Variants in MBD4 observed in about 807,000 individuals in gnomAD.
MBD4 encodes the protein methyl-CpG binding domain 4, DNA glycosylase, also known as methyl-CpG-binding domain protein 4.
A neutral mutation model predicts 60.2 loss-of-function variants in MBD4; 53 were observed. The ratio of observed to expected loss-of-function variants is 0.88; its 90% CI spans 0.71 to 1.11. The LOEUF (loss-of-function observed/expected upper bound fraction) is 1.11, where lower values mean the gene tolerates loss of function less well. Among genes scored for constraint, MBD4 ranks in the 50% least tolerant of loss-of-function variants. The probability of loss-of-function intolerance (pLI) is 0.00; values close to 1 mark genes in which losing one functional copy is unlikely to be tolerated. For missense variants in MBD4, 619 were observed against 674.0 expected (o/e 0.92, Z 0.90); for synonymous variants, 231 against 229.8 (o/e 1.01, Z -0.05).
At chr3:129,439,665 G>C in intron 1 of MBD4, 65 bp downstream of exon 1, 1 of 1,019,202 alleles carries the variant, frequency 9.8e-7, no homozygotes, top group Non-Finnish European at 1.5e-6. Context: ...CCCACACACT[G>C]TCCACTCTCC....
At chr3:129,436,302 A>T in intron 3 of MBD4, 159 bp downstream of exon 3, 1 of 793,512 alleles carries the variant, frequency 1.3e-6, no homozygotes, top group Non-Finnish European at 2.0e-6. Context: ...ATAAAGTATT[A>T]GGATCAACTG....
chr3:129,437,344 A>C, intron 2 of MBD4, 36 bp from the exon 3 acceptor site: 1 of 1,543,754 alleles, frequency 6.5e-7, no homozygotes, highest in Non-Finnish European at 8.8e-7. Flanking sequence ...TACTGCTAGT[A>C]AATAGAAGGG....
chr3:129,437,667 C>G, intron 2 of MBD4, 53 bp downstream of exon 2: 1 of 1,282,802 alleles, frequency 7.8e-7, no homozygotes, highest in Non-Finnish European at 1.1e-6. Context: ...CTCCCACTAC[C>G]TGCCCAGACA....
rs1353714402 is a variant in MBD4, at chr3:129,439,782, G to C, written c.52C>G (p.Pro18Ala). The part of the protein sequence containing the change: ...SLSLGDRGAA[P>A]TVTSSERLVP... ...AGGCGCTCACTAGAGGTGACGGTGGGGGCAGCTCCGCGGTCCCCCAGACTC... is the reference window on the plus strand; with the variant it reads ...AGGCGCTCACTAGAGGTGACGGTGGCGGCAGCTCCGCGGTCCCCCAGACTC... The change falls in exon 1 of 8, where the codon CCC (proline) becomes GCC (alanine). Residue 18 changes from proline to alanine, a missense_variant. By Grantham distance (27) the Pro-to-Ala change is conservative. Coordinates refer to ENST00000429544, the MANE Select transcript of MBD4 (RefSeq NM_001276270.2). 6.2e-7 allele frequency: 1 copy of C among 1,609,250 alleles called. No individual in the cohort carries two copies. The highest frequency in any genetic ancestry group is 1.3e-5 in the African/African-American group (1 of 74,896).
At chr3:129,435,271 T>A (rs1193852148) in intron 3 of MBD4, among the ~76,000 whole-genome samples, 1 of 152,126 alleles carries the variant, frequency 6.6e-6, no homozygotes, top group African/African-American at 2.4e-5. Context: ...CTGCTCTGAT[T>A]TGACAACTTT....
At position 129,433,975 on chromosome 3, in the gene MBD4, G is replaced by A. The variant is rs760432119; in HGVS notation, c.1268C>T (p.Pro423Leu). The A allele has an allele frequency of 6.2e-7, 1 of 1,614,022 alleles. No homozygotes were observed. The highest frequency in any genetic ancestry group is 1.3e-5 in the African/African-American group (1 of 74,920). Residue 423 changes from proline to leucine, a missense_variant, in exon 5 of 8, where the codon CCC becomes CTC. Physicochemically the swap from Pro to Leu is moderately conservative, Grantham distance 98. Coordinates refer to ENST00000429544, the MANE Select transcript of MBD4 (RefSeq NM_001276270.2). Reference sequence around the variant, plus strand: ...TTTCTTAAAGGCTTTACGTCGTGGGGGGCTAAGAGCTAAACAAACATAGTG... The same window carrying A: ...TTTCTTAAAGGCTTTACGTCGTGGGAGGCTAAGAGCTAAACAAACATAGTG... ...SSKYNKEALS[P>L]PRRKAFKKWT...
intron 2 of MBD4, 140 bp downstream of exon 2, chr3:129,437,580 T>C: frequency 1.4e-6 from 1 of 696,902 alleles, no homozygotes; most frequent in East Asian, 2.7e-5. Context: ...CTTGATGTAA[T>C]TAATAGCAAC....
intron 1 of MBD4, among the ~76,000 whole-genome samples, chr3:129,438,167 C>G (rs966521279): frequency 1.3e-5 from 2 of 152,190 alleles, no homozygotes; most frequent in African/African-American, 4.8e-5. Flanking sequence ...TGTTGGAAAT[C>G]TCTGCACAAC....
At chr3:129,437,415 G>A in intron 2 of MBD4, 107 bp from the exon 3 acceptor site, 1 of 890,230 alleles carries the variant, frequency 1.1e-6, no homozygotes, top group Non-Finnish European at 1.7e-6. Flanking sequence ...GTTGCCATAG[G>A]TATCTGTCAT....
chr3:129,432,078 ACAGGGCTGAAG>A (rs3138362), intron 7 of MBD4: 71,286 of 1,001,618 alleles, frequency 0.071, 3,444 homozygotes, highest in African/African-American at 0.23. Context: ...GGCATATTCA[ACAGGGCTGAAG>A]CAGGACCCAG....
Position 129,439,852 on chromosome 3 carries a change from A to C in MBD4, c.-19T>G. The C allele has an allele frequency of 1.9e-6, 3 of 1,569,352 alleles. No homozygotes were observed. The highest frequency in any genetic ancestry group is 2.6e-6 in the Non-Finnish European group (3 of 1,141,234). The stretch of plus-strand genomic sequence containing the variant: ...TGCCCATCGAGCAGGGTCCGGCTGC[A>C]GCAACGAGCCCAGCGCCGCAACGCC... On this transcript the variant is annotated 5_prime_UTR_variant, in exon 1 of 8. Transcript: ENST00000429544.
At chr3:129,439,525 C>T (rs927899110) in intron 1 of MBD4, among the ~76,000 whole-genome samples, 3 of 152,178 alleles carry the variant, frequency 2.0e-5, no homozygotes, top group Non-Finnish European at 4.4e-5. Flanking sequence ...TCTCCCTAGT[C>T]ATCTTAGATG....
intron 5 of MBD4, 31 bp downstream of exon 5, chr3:129,433,819 A>G (rs747185356): frequency 1.9e-6 from 3 of 1,613,330 alleles, no homozygotes; most frequent in African/African-American, 1.3e-5. Context: ...CACTGTCTCT[A>G]CTAAGACAAA....
rs2072394231 is a variant in MBD4, at chr3:129,433,373, C to G, written c.1394-126G>C. ...TTAAAGAAAACAAAAAACAAAAAAACACTGGTGAGAAGCCATTATCTGAAC... is the reference window on the plus strand; with the variant it reads ...TTAAAGAAAACAAAAAACAAAAAAAGACTGGTGAGAAGCCATTATCTGAAC... On this transcript the variant is annotated intron_variant, in intron 5 of 7. Transcript: ENST00000429544. 3 of 1,033,926 alleles carry G rather than the reference C, an allele frequency of 2.9e-6. No individual in the cohort carries two copies. The African/African-American group carries it at 4.9e-5, about 17-fold the overall frequency. 64.0% of individuals were successfully genotyped at this position (1,033,926 alleles called of 1,614,324 possible). A position where few individuals can be genotyped will look rare whatever the true frequency, so the allele number is the denominator to read the frequency against.
rs1311687182 is a variant in MBD4 at position 129,436,837 on chromosome 3, A to G, written c.807T>C (p.Asn269=). 6.2e-7 allele frequency: 1 copy of G among 1,614,114 alleles called. No homozygotes were observed. ...QSDSKRESVC[N]KADAESEPVA... is the part of the protein sequence containing the mutation. ...CAGGTTCACTTTCAGCATCTGCTTT[A>G]TTACACACAGATTCTCTTTTGCTAT... The change falls in exon 3 of 8, where the codon AAT becomes AAC. Residue 269 remains asparagine (N), a synonymous_variant. Transcript: ENST00000429544.
rs557457413 is a variant in MBD4, at chr3:129,434,057, G to A, written c.1258+5C>T. 1.2e-6 allele frequency: 2 copies of A among 1,614,072 alleles called. No individual in the cohort carries two copies. Among genetic ancestry groups the A allele is most frequent in the South Asian group, 1.1e-5 (1 of 91,076 alleles). The stretch of plus-strand genomic sequence containing the variant: ...AATTTGCTGTTCTGATTGGGAAAGG[G>A]ATACCTTCTTTGTTATATTTGCTGG... On this transcript the variant is annotated splice_donor_5th_base_variant and intron_variant, in intron 4 of 7. Transcript: ENST00000429544.
At chr3:129,433,335 A>AG in intron 5 of MBD4, 88 bp from the exon 6 acceptor site, 1 of 1,436,224 alleles carries the variant, frequency 7.0e-7, no homozygotes, top group Non-Finnish European at 9.6e-7. Flanking sequence ...TCTCATCCAG[A>AG]GGGTTTTTTT....
rs2072705469 is a variant in MBD4, at chr3:129,439,811, C to G, written c.23G>C (p.Ser8Thr). Reference sequence around the variant, plus strand: ...AGCTCCGCGGTCCCCCAGACTCAGACTCTCCAGCCCAGTCGTGCCCATCGA... The same window carrying G: ...AGCTCCGCGGTCCCCCAGACTCAGAGTCTCCAGCCCAGTCGTGCCCATCGA... MGTTGLE[S>T]LSLGDRGAAP... Residue 8 changes from serine to threonine, a missense_variant, in exon 1 of 8, where the codon AGT (serine) becomes ACT (threonine). By Grantham distance (58) the Ser-to-Thr change is moderately conservative (BLOSUM62 1). Transcript: ENST00000429544. 6.2e-7 allele frequency: 1 copy of G among 1,611,478 alleles called. No individual in the cohort carries two copies. The highest frequency in any genetic ancestry group is 8.5e-7 in the Non-Finnish European group (1 of 1,179,224).
In MBD4 at chr3:129,439,930, C is replaced by A. The variant is rs1365276520; in HGVS notation, c.-97G>T. Reference sequence around the variant, plus strand: ...AACCTCTTCAGCTCACGGCACCGGGCTGCAACCGAGGTCTGAATGTTGCGA... The same window carrying A: ...AACCTCTTCAGCTCACGGCACCGGGATGCAACCGAGGTCTGAATGTTGCGA... On this transcript the variant is annotated 5_prime_UTR_variant, in exon 1 of 8. Transcript: ENST00000429544. 8.7e-6 allele frequency: 8 copies of A among 914,766 alleles called. No homozygotes were observed. Among genetic ancestry groups the A allele is most frequent in the South Asian group, 2.8e-5 (2 of 71,554 alleles). The allele number at this position is 914,766 out of a possible 1,614,324, so 56.7% of individuals were successfully genotyped here. A position where few individuals can be genotyped will look rare whatever the true frequency, so the allele number is the denominator to read the frequency against.
Sources: allele counts gnomAD v4.1 joint callset (sites outside exome capture counted in the v4.1 genomes callset), GRCh38; gene constraint gnomAD v4.1.1; transcripts MANE v1.5; gene names NCBI Gene and HGNC (gene_info 2026-07-23, HGNC 2026-07-21).